SH3RF1: variants seen among roughly 807,000 people sequenced by gnomAD.
SH3RF1 encodes SH3 domain containing ring finger 1.
In SH3RF1, 32 loss-of-function variants were observed where a neutral mutation model predicts 74.0. That is an observed-to-expected ratio of 0.43 (90% CI 0.33 to 0.58). SH3RF1 has a LOEUF of 0.58. Among genes scored for constraint, SH3RF1 ranks in the 20% least tolerant of loss-of-function variants. The probability of loss-of-function intolerance (pLI) is 0.05; values close to 1 mark genes in which losing one functional copy is unlikely to be tolerated. For synonymous variants in SH3RF1, 396 were observed against 439.6 expected (o/e 0.90, Z 1.24); for missense variants, 954 against 1,130.9 (o/e 0.84, Z 2.24).
At chr4:169,122,389 C>T in intron 6 of SH3RF1, 123 bp from the exon 7 acceptor site, 1 of 1,082,434 alleles carries the variant, frequency 9.2e-7, no homozygotes, top group South Asian at 1.7e-5. Context: ...TTAATGGAAT[C>T]CACACAGGGC....
intron 2 of SH3RF1, among the ~76,000 whole-genome samples, chr4:169,234,322 C>A (rs775067989): frequency 6.6e-6 from 1 of 151,876 alleles, no homozygotes; most frequent in Non-Finnish European, 1.5e-5. Flanking sequence ...CCTCCCCACC[C>A]CCCAAAAAGA....
At chr4:169,175,571 A>G (rs1423315067) in intron 2 of SH3RF1, among the ~76,000 whole-genome samples, 1 of 152,140 alleles carries the variant, frequency 6.6e-6, no homozygotes, top group Non-Finnish European at 1.5e-5. Context: ...ATGTCATCTC[A>G]GAAGGCTTCC....
At chr4:169,123,695 T>C (rs931286506) in intron 6 of SH3RF1, among the ~76,000 whole-genome samples, 1 of 152,046 alleles carries the variant, frequency 6.6e-6, no homozygotes, top group African/African-American at 2.4e-5. Flanking sequence ...ATCGAGACCA[T>C]TTTGGCTAAC....
chr4:169,268,583 T>C (rs1420131376), intron 2 of SH3RF1, among the ~76,000 whole-genome samples: 1 of 152,196 alleles, frequency 6.6e-6, no homozygotes, highest in Admixed American at 6.5e-5. Flanking sequence ...CCAAAATTTA[T>C]CTTAAAAGAT....
At chr4:169,129,261 C>A (rs1733573745) in intron 6 of SH3RF1, among the ~76,000 whole-genome samples, 1 of 152,224 alleles carries the variant, frequency 6.6e-6, no homozygotes, top group Non-Finnish European at 1.5e-5. Flanking sequence ...AAGCTTTGGC[C>A]TGGATGAGAG....
intron 2 of SH3RF1, among the ~76,000 whole-genome samples, chr4:169,256,787 G>A (rs929437049): frequency 6.6e-6 from 1 of 152,034 alleles, no homozygotes; most frequent in African/African-American, 2.4e-5. Context: ...TTTAGAAGGG[G>A]GATGGGGATC....
At chr4:169,263,168 T>C (rs1293863277) in intron 2 of SH3RF1, among the ~76,000 whole-genome samples, 2 of 152,194 alleles carry the variant, frequency 1.3e-5, no homozygotes, top group Admixed American at 6.5e-5. Flanking sequence ...TCAGTGTTTG[T>C]AGTGAACCTT....
intron 2 of SH3RF1, among the ~76,000 whole-genome samples, chr4:169,263,401 T>C (rs1276015796): frequency 1.3e-5 from 2 of 152,248 alleles, no homozygotes; most frequent in Non-Finnish European, 2.9e-5. Context: ...GAAACATGCA[T>C]TAATGTCATC....
chr4:169,241,717 C>T lies in SH3RF1; in HGVS notation c.393+27103G>A, dbSNP rs79383248. ...AAAAAACACAGGCTGAAACAAAATC[C>T]TGCTGAAACACTGTGTGGGCAGAAC... On this transcript the variant is annotated intron_variant, in intron 2 of 11. Transcript: ENST00000284637. 3.7e-3 allele frequency among the ~76,000 whole-genome samples: 562 copies of T among 152,282 alleles called. 5 individuals carry two copies. Among genetic ancestry groups the T allele is most frequent in the African/African-American group, 0.013 (541 of 41,548 alleles).
At chr4:169,097,177 T>A (rs1426881929) in intron 11 of SH3RF1, among the ~76,000 whole-genome samples, 1 of 151,996 alleles carries the variant, frequency 6.6e-6, no homozygotes, top group Non-Finnish European at 1.5e-5. Flanking sequence ...CACACAGAGG[T>A]CAGGAAGGTG....
At chr4:169,105,575 C>T (rs1232839047) in intron 11 of SH3RF1, among the ~76,000 whole-genome samples, 1 of 152,184 alleles carries the variant, frequency 6.6e-6, no homozygotes, top group Non-Finnish European at 1.5e-5. Flanking sequence ...AGAACTTAGC[C>T]ATACCCTTCT....
At chr4:169,248,422 G>C (rs112944475) in intron 2 of SH3RF1, among the ~76,000 whole-genome samples, 6,324 of 152,248 alleles carry the variant, frequency 0.042, 198 homozygotes, top group South Asian at 0.15. Context: ...TCACTCATAA[G>C]TGGGAGTCGA....
At chr4:169,217,161 CAAAAAAAAAAA>C (rs563116493) in intron 2 of SH3RF1, 3 of 70,698 alleles carry the variant, frequency 4.2e-5, no homozygotes, top group Non-Finnish European at 6.2e-5. Context: ...GACCCTGTCT[CAAAAAAAAAAA>C]AAAAAAAGTG....
chr4:169,119,676 T>C (rs1007577932), intron 8 of SH3RF1, among the ~76,000 whole-genome samples: 2 of 152,188 alleles, frequency 1.3e-5, no homozygotes, highest in African/African-American at 4.8e-5. Context: ...GCAAGTCAAA[T>C]TAAAGTTAAC....
At chr4:169,210,401 T>C (rs909078985) in intron 2 of SH3RF1, among the ~76,000 whole-genome samples, 2 of 152,196 alleles carry the variant, frequency 1.3e-5, no homozygotes, top group African/African-American at 2.4e-5. Context: ...CTATGATTAT[T>C]TGTAGAATGA....
In SH3RF1 at chr4:169,107,043, C is replaced by T; in HGVS notation, c.2302G>A (p.Gly768Ser). Residue 768 changes from glycine to serine, a missense_variant, in exon 11 of 12, where the codon GGC becomes AGC. By Grantham distance (56) the Gly-to-Ser change is moderately conservative. Around this residue, in one of 3 missense-constraint regions of SH3RF1, gnomAD observed 854 missense variants for 962.5 expected, o/e 0.89. Coordinates refer to ENST00000284637, the MANE Select transcript of SH3RF1 (RefSeq NM_020870.4). Reference protein sequence around the residue: ...GPELPPGGGHGRAGSCPVDGD... With the variant: ...GPELPPGGGHSRAGSCPVDGD... ...TCCACAGGGCAGGAGCCTGCCCTGC[C>T]ATGGCCACCTCCTGGTGGCAGTTCG... 6.2e-7 allele frequency: 1 copy of T among 1,613,902 alleles called. No homozygotes were observed. Among genetic ancestry groups the T allele is most frequent in the Non-Finnish European group, 8.5e-7 (1 of 1,179,912 alleles).
At chr4:169,218,274 A>AAATATAT (rs1371328090) in intron 2 of SH3RF1, among the ~76,000 whole-genome samples, 2 of 138,080 alleles carry the variant, frequency 1.4e-5, no homozygotes, top group African/African-American at 5.2e-5. Context: ...TATAGAATAT[A>AAATATAT]AATATATAAT....
chr4:169,191,802 T>C (rs1429348515), intron 2 of SH3RF1, among the ~76,000 whole-genome samples: 1 of 151,980 alleles, frequency 6.6e-6, no homozygotes, highest in African/African-American at 2.4e-5. Context: ...GAAAAGCCTT[T>C]TTCAACAAAT....
At position 169,136,502 on chromosome 4, in the gene SH3RF1, G is replaced by A; in HGVS notation, c.884C>T (p.Thr295Ile). ...GTGCCGCTTTTTGGTGTTCTTCTTG[G>A]TGTCGGAGTGCTTTGGGGCAGTGCT... Reference protein sequence around the residue: ...QSSTAPKHSDTKKNTKKRHSF... With the variant: ...QSSTAPKHSDIKKNTKKRHSF... The change falls in exon 5 of 12, where the codon ACC (threonine) becomes ATC (isoleucine). Residue 295 changes from threonine (T) to isoleucine (I), a missense_variant. Thr to Ile is a moderately conservative substitution (Grantham distance 89, BLOSUM62 -1). Transcript: ENST00000284637. The A allele has an allele frequency of 6.2e-7, 1 of 1,613,964 alleles. No homozygotes were observed. Among genetic ancestry groups the A allele is most frequent in the Non-Finnish European group, 8.5e-7 (1 of 1,179,972 alleles).
Sources: allele counts gnomAD v4.1 joint callset (sites outside exome capture counted in the v4.1 genomes callset), GRCh38; gene constraint gnomAD v4.1.1; regional missense constraint gnomAD v4.1.1; transcripts MANE v1.5; gene names NCBI Gene and HGNC (gene_info 2026-07-23, HGNC 2026-07-21).